EPHB1: variants seen among roughly 807,000 people sequenced by gnomAD.
The protein encoded by EPHB1 is EPH receptor B1.
EPHB1 carries 30 observed loss-of-function variants against 94.4 expected under a neutral mutation model. The observed-to-expected ratio is 0.32, with a 90% confidence interval of 0.24 to 0.43. EPHB1 has a LOEUF of 0.43. EPHB1 is among the 20% of genes least tolerant of loss of function. EPHB1 has a pLI of 1.00. For missense variants in EPHB1, 1,055 were observed against 1,308.3 expected (o/e 0.81, Z 2.99); for synonymous variants, 522 against 489.1 (o/e 1.07, Z -0.89).
intron 3 of EPHB1, among the ~76,000 whole-genome samples, chr3:135,054,509 A>G (rs1327986113): frequency 6.6e-6 from 1 of 152,162 alleles, no homozygotes; most frequent in Admixed American, 6.5e-5. Context: ...TAGGCCTCAG[A>G]TAGCATCACT....
rs117354502 is a variant in EPHB1 at position 134,951,088 on chromosome 3, T to A, written c.124-283T>A. ...CTGCATGTTGTCCCCATGGATGTAA[T>A]AAGCTAGTCACAGAATGAGCATTAT... On this transcript the variant is annotated intron_variant, in intron 2 of 15. Transcript: ENST00000398015. This position sits in a 1 kb window ranked among gnomAD's most constrained non-coding sequence, Gnocchi z 4.5. Among the ~76,000 whole-genome samples, 98 of 152,290 alleles carry A rather than the reference T, an allele frequency of 6.4e-4. No individual in the cohort carries two copies. The East Asian group carries it at 0.017, about 26-fold the overall frequency.
At chr3:135,201,963 A>G (rs372987280) in intron 12 of EPHB1, among the ~76,000 whole-genome samples, 9 of 152,182 alleles carry the variant, frequency 5.9e-5, no homozygotes, top group African/African-American at 2.2e-4. Flanking sequence ...AAATTTTGGA[A>G]CAGATGATTT....
chr3:135,005,715 G>A (rs1289309532), intron 3 of EPHB1, among the ~76,000 whole-genome samples: 2 of 152,188 alleles, frequency 1.3e-5, no homozygotes, highest in African/African-American at 2.4e-5. Flanking sequence ...GGAGTGTCCC[G>A]ATTTTCCAGG....
In EPHB1 at chr3:134,951,301, G is replaced by A; in HGVS notation, c.124-70G>A. On this transcript the variant is annotated intron_variant, in intron 2 of 15. Transcript: ENST00000398015. This position sits in a 1 kb window ranked among gnomAD's most constrained non-coding sequence, Gnocchi z 4.5. Reference sequence around the variant, plus strand: ...TAGCCCCAGGATTCTCCTCTGCTATGCCTATTTTTGTATTCTCACTCTCTA... The same window carrying A: ...TAGCCCCAGGATTCTCCTCTGCTATACCTATTTTTGTATTCTCACTCTCTA... 7.2e-7 allele frequency: 1 copy of A among 1,396,948 alleles called. No homozygotes were observed. Among genetic ancestry groups the A allele is most frequent in the South Asian group, 1.5e-5 (1 of 65,008 alleles). The allele number at this position is 1,396,948 out of a possible 1,614,324, so 86.5% of individuals were successfully genotyped here.
At chr3:134,955,799 C>G (rs915044995) in intron 3 of EPHB1, among the ~76,000 whole-genome samples, 10 of 152,228 alleles carry the variant, frequency 6.6e-5, no homozygotes, top group African/African-American at 2.4e-4. Flanking sequence ...ACTCTGACCT[C>G]ATCATGCATT....
intron 10 of EPHB1, among the ~76,000 whole-genome samples, chr3:135,188,420 G>A (rs58377586): frequency 0.013 from 2,044 of 152,178 alleles, 36 homozygotes; most frequent in African/African-American, 0.046. Context: ...GCTTGAACCC[G>A]AAAGGCCGAG....
Position 135,154,132 on chromosome 3 carries a change from G to A in EPHB1, c.1298-20G>A, listed in dbSNP as rs1322437619. The A allele has an allele frequency of 1.2e-6, 2 of 1,613,664 alleles. No homozygotes were observed. The highest frequency in any genetic ancestry group is 2.2e-5 in the East Asian group (1 of 44,876). Reference sequence around the variant, plus strand: ...AATTGAGTGTCTGTTCAGCTACCCTGTTTCTTTCTCTCTCCACAGCCCCCT... The same window carrying A: ...AATTGAGTGTCTGTTCAGCTACCCTATTTCTTTCTCTCTCCACAGCCCCCT... On this transcript the variant is annotated intron_variant, in intron 5 of 15. Transcript: ENST00000398015.
intron 13 of EPHB1, among the ~76,000 whole-genome samples, chr3:135,241,716 T>C (rs986584154): frequency 6.6e-6 from 1 of 152,252 alleles, no homozygotes; most frequent in Admixed American, 6.5e-5. Context: ...CCCATCCTGC[T>C]CTGCCTCTGA....
At chr3:135,201,855 A>C (rs1002143978) in intron 12 of EPHB1, among the ~76,000 whole-genome samples, 166 bp downstream of exon 12, 2 of 152,162 alleles carry the variant, frequency 1.3e-5, no homozygotes, top group Non-Finnish European at 2.9e-5. Flanking sequence ...GAGAAGCCAT[A>C]GCAGCTGGTT....
At chr3:134,808,249 T>C (rs2036106658) in intron 1 of EPHB1, among the ~76,000 whole-genome samples, 1 of 152,236 alleles carries the variant, frequency 6.6e-6, no homozygotes, top group African/African-American at 2.4e-5. Flanking sequence ...TCCCCGTAGC[T>C]CTAGCAAATG....
chr3:135,074,540 T>A (rs1316955575), intron 3 of EPHB1, among the ~76,000 whole-genome samples: 3 of 152,202 alleles, frequency 2.0e-5, no homozygotes, highest in African/African-American at 7.2e-5. Context: ...ATGGATACAT[T>A]TATCCATCTG....
Position 134,995,284 on chromosome 3 carries a change from A to G in EPHB1, c.805+43232A>G, listed in dbSNP as rs115787273. 8.2e-3 allele frequency among the ~76,000 whole-genome samples: 1,255 copies of G among 152,210 alleles called. 20 individuals are homozygous for G. Among genetic ancestry groups the G allele is most frequent in the African/African-American group, 0.029 (1,190 of 41,510 alleles). On this transcript the variant is annotated intron_variant, in intron 3 of 15. Coordinates refer to ENST00000398015, the MANE Select transcript of EPHB1 (RefSeq NM_004441.5). ...TTCACTCAACATAATCTCAACCTGG[A>G]TGGATCTCATTTCCATACAAGTTGT...
Position 135,259,745 on chromosome 3 carries a change from A to G in EPHB1, c.*625A>G, listed in dbSNP as rs935696961. 2 of 210,504 alleles carry G rather than the reference A, an allele frequency of 9.5e-6. No homozygotes were observed. The highest frequency in any genetic ancestry group is 4.5e-5 in the African/African-American group (2 of 44,044). The allele number at this position is 210,504 out of a possible 1,614,324, so 13.0% of individuals were successfully genotyped here. On this transcript the variant is annotated 3_prime_UTR_variant, in exon 16 of 16. Transcript: ENST00000398015. ...ATATTGAAGAAGAGATGTACCTTCA[A>G]TTGAAAACCTCGTTTTTCTTTTGTT...
At chr3:135,052,718 G>A (rs556643943) in intron 3 of EPHB1, among the ~76,000 whole-genome samples, 77 of 150,204 alleles carry the variant, frequency 5.1e-4, no homozygotes, top group Non-Finnish European at 8.7e-4. Context: ...AAAATTAGCC[G>A]GGCGTGTTGG....
At chr3:134,816,293 C>G (rs1051380407) in intron 1 of EPHB1, among the ~76,000 whole-genome samples, 2 of 151,898 alleles carry the variant, frequency 1.3e-5, no homozygotes, top group African/African-American at 2.4e-5. Flanking sequence ...GGGGTTTCAC[C>G]ATGTTGGCCA....
At chr3:134,958,580 C>T (rs984458387) in intron 3 of EPHB1, among the ~76,000 whole-genome samples, 1 of 152,072 alleles carries the variant, frequency 6.6e-6, no homozygotes, top group Non-Finnish European at 1.5e-5. Flanking sequence ...CCAGGGAGAC[C>T]GGCTGTGTTC....
chr3:134,897,236 G>A (rs2038104348), intron 1 of EPHB1, among the ~76,000 whole-genome samples: 1 of 152,160 alleles, frequency 6.6e-6, no homozygotes, highest in Non-Finnish European at 1.5e-5. Context: ...GCCTTGAATG[G>A]CCACAGCATC....
At chr3:135,049,293 C>T (rs1221987103) in intron 3 of EPHB1, among the ~76,000 whole-genome samples, 1 of 152,240 alleles carries the variant, frequency 6.6e-6, no homozygotes, top group Admixed American at 6.5e-5. Flanking sequence ...TTAATCATGT[C>T]ATTATTTCTC....
At chr3:134,966,517 C>A (rs1933753729) in intron 3 of EPHB1, among the ~76,000 whole-genome samples, 1 of 152,192 alleles carries the variant, frequency 6.6e-6, no homozygotes, top group Non-Finnish European at 1.5e-5. Flanking sequence ...GCCCAGTAAA[C>A]AATAGTCTCT....
Sources: gnomAD v4.1 joint callset for allele counts (sites outside exome capture counted in the v4.1 genomes callset) on GRCh38, gnomAD v4.1.1 for gene constraint, Gnocchi (gnomAD v3.1) non-coding constraint, MANE v1.5 for transcripts, NCBI Gene and HGNC (gene_info 2026-07-23, HGNC 2026-07-21) for gene names.